GPR143: variants seen among roughly 807,000 people sequenced by gnomAD.
The protein encoded by GPR143 is G protein-coupled receptor 143.
In GPR143, 8 loss-of-function variants were observed where a neutral mutation model predicts 27.6. That is an observed-to-expected ratio of 0.29 (90% confidence interval 0.17 to 0.52). GPR143 has a LOEUF of 0.52. Ranked by LOEUF, GPR143 falls within the 20% of genes least tolerant of loss-of-function variation. The probability of loss-of-function intolerance (pLI) is 0.96; values close to 1 mark genes in which losing one functional copy is unlikely to be tolerated. For missense variants in GPR143, 303 were observed against 343.1 expected (o/e 0.88, Z 0.92); for synonymous variants, 156 against 153.2 (o/e 1.02, Z -0.13).
chrX:9,742,184 G>A (rs923207681), intron 6 of GPR143, among the ~76,000 whole-genome samples: 1 of 112,139 alleles, frequency 8.9e-6, no homozygotes, highest in Non-Finnish European at 1.9e-5. Context: ...AATATGAAAT[G>A]TTGAACTGAG....
In GPR143 at chrX:9,759,724, A is replaced by G. The variant is rs1390078899; in HGVS notation, c.361-298T>C. On this transcript the variant is annotated intron_variant, in intron 2 of 8. Coordinates refer to ENST00000467482, the MANE Select transcript of GPR143 (RefSeq NM_000273.3). Reference sequence around the variant, plus strand: ...TGCAGGCTCAAGGGGGCTTTGAACTAGATAGAAGCTCTTGTTCTGAGGAAG... The same window carrying G: ...TGCAGGCTCAAGGGGGCTTTGAACTGGATAGAAGCTCTTGTTCTGAGGAAG... Among the ~76,000 whole-genome samples the G allele has an allele frequency of 5.4e-5, 6 of 112,140 alleles. No individual in the cohort carries two copies. The Admixed American group carries it at 5.7e-4, about 11-fold the overall frequency.
chrX:9,760,724 C>G lies in GPR143; in HGVS notation c.353G>C (p.Gly118Ala). The G allele has an allele frequency of 1.7e-6, 2 of 1,156,552 alleles. No individual in the cohort carries two copies. Among genetic ancestry groups the G allele is most frequent in the Middle Eastern group, 2.4e-4 (1 of 4,136 alleles). Residue 118 changes from glycine (G) to alanine (A), a missense_variant, in exon 2 of 9, where the codon GGG becomes GCG. Transcript: ENST00000467482. ...CAGAGGGGGTGGACTCACCGCACTC[C>G]CCACGCAGAAAGCAGCAGGCCAAAT... is the stretch of plus-strand genomic sequence containing the variant. ...TEIWPAAFCV[G>A]SAMWIQLLYS...
chrX:9,737,495 T>G (rs1490133200), intron 8 of GPR143, among the ~76,000 whole-genome samples: 1 of 111,397 alleles, frequency 9.0e-6, no homozygotes, highest in Non-Finnish European at 1.9e-5. Flanking sequence ...GCCCTTTCCA[T>G]GTAAGGTCTG....
chrX:9,765,616 C>T lies in GPR143; in HGVS notation c.202G>A (p.Val68Ile). ...GSPATSPPAS[V>I]RILRAAAACD... ...GCAGCGGCAGCGCGCAGGATGCGGA[C>T]CGAGGCCGGCGGGGACGTCGCGGGG... Residue 68 changes from valine to isoleucine, a missense_variant, in exon 1 of 9, where the codon GTC becomes ATC. Physicochemically the swap from Val to Ile is conservative, Grantham distance 29. Coordinates refer to ENST00000467482, the MANE Select transcript of GPR143 (RefSeq NM_000273.3). The T allele has an allele frequency of 1.0e-6, 1 of 1,004,116 alleles. No individual in the cohort carries two copies. The highest frequency in any genetic ancestry group is 2.0e-5 in the African/African-American group (1 of 50,536). 82.8% of individuals were successfully genotyped at this position (1,004,116 alleles called of 1,213,427 possible).
chrX:9,766,533 G>A (rs1009228330), upstream of GPR143, among the ~76,000 whole-genome samples: 16 of 111,915 alleles, frequency 1.4e-4, no homozygotes, highest in African/African-American at 4.5e-4. Context: ...GGAGACCAGC[G>A]TGGGCAACAT....
At chrX:9,740,908 C>T (rs182835071) in intron 7 of GPR143, 27 of 293,966 alleles carry the variant, frequency 9.2e-5, no homozygotes, top group African/African-American at 5.9e-4. Flanking sequence ...CTGCCAGGAG[C>T]TTTGATACAC....
intron 7 of GPR143, chrX:9,740,753 CTTTT>C (rs374177494): frequency 1.2e-4 from 32 of 256,633 alleles, no homozygotes; most frequent in Non-Finnish European, 1.6e-4. Flanking sequence ...TTCTTTCTTT[CTTTT>C]TTTTTTTTTT....
rs57462205 is a variant in GPR143 at position 9,728,639 on chromosome X, T to TAAAAAAAAAAAA, written c.1121-2811_1121-2800dup. Among the ~76,000 whole-genome samples the TAAAAAAAAAAAA allele has an allele frequency of 5.7e-4, 11 of 19,220 alleles. 1 individual carries two copies. The highest frequency in any genetic ancestry group is 1.8e-3 in the African/African-American group (10 of 5,462). The allele number at this position is 19,220 out of a possible 115,157, so 16.7% of individuals were successfully genotyped here. On this transcript the variant is annotated intron_variant, in intron 8 of 8. Coordinates refer to ENST00000467482, the MANE Select transcript of GPR143 (RefSeq NM_000273.3). ...CCTGGGCAACATAGACCCTATCTCTTAAAAAAAAAAAAAAAAAAAAAAAAA... is the reference window on the plus strand; with the variant it reads ...CCTGGGCAACATAGACCCTATCTCTTAAAAAAAAAAAAAAAAAAAAAAAAAAAAAAAAAAAAA...
At chrX:9,772,166 G>A (rs1162765244) in intron 1 of GPR143, among the ~76,000 whole-genome samples, 1 of 112,050 alleles carries the variant, frequency 8.9e-6, no homozygotes, top group Non-Finnish European at 1.9e-5. Flanking sequence ...GAAGACAACA[G>A]ATAAGGACTG....
At chrX:9,754,773 C>T (rs2083466319) in intron 3 of GPR143, among the ~76,000 whole-genome samples, 2 of 111,822 alleles carry the variant, frequency 1.8e-5, no homozygotes, top group Non-Finnish European at 3.8e-5. Context: ...CCCTTTTCCC[C>T]CACATCCCCA....
chrX:9,749,378 A>G (rs1411036335), intron 3 of GPR143, among the ~76,000 whole-genome samples: 4 of 110,891 alleles, frequency 3.6e-5, no homozygotes, highest in South Asian at 7.9e-4. Context: ...TCCTTTATCA[A>G]TTAGTCTCAG....
chrX:9,744,117 A>G (rs143128610), intron 5 of GPR143, among the ~76,000 whole-genome samples: 1,123 of 111,638 alleles, frequency 0.01, 20 homozygotes, highest in African/African-American at 0.035. Context: ...TGGGTGGATC[A>G]TTTGAGGTCA....
intron 8 of GPR143, among the ~76,000 whole-genome samples, chrX:9,728,402 A>C (rs111783491): frequency 4.9e-5 from 5 of 102,549 alleles, no homozygotes; most frequent in Admixed American, 2.0e-4. Context: ...TAAGGAACAA[A>C]AAAAAAAAAA....
chrX:9,777,275 C>T (rs1490370911), intron 1 of GPR143, among the ~76,000 whole-genome samples: 1 of 112,200 alleles, frequency 8.9e-6, no homozygotes, highest in Middle Eastern at 4.2e-3. Flanking sequence ...GGCGTGGTGG[C>T]ACACACCTGT....
At chrX:9,766,136 C>G (rs754035508), upstream of GPR143, 5 of 161,275 alleles carry the variant, frequency 3.1e-5, no homozygotes, top group East Asian at 5.2e-4. Context: ...CCCCATTCAC[C>G]AAGCCTTCCT....
At chrX:9,752,778 G>A (rs949309890) in intron 3 of GPR143, among the ~76,000 whole-genome samples, 2 of 111,388 alleles carry the variant, frequency 1.8e-5, no homozygotes, top group African/African-American at 6.5e-5. Flanking sequence ...CCCAGGAGTT[G>A]AAGGTTGCAG....
At chrX:9,768,365 G>A (rs1282826848), upstream of GPR143, among the ~76,000 whole-genome samples, 1 of 111,259 alleles carries the variant, frequency 9.0e-6, no homozygotes, top group Non-Finnish European at 1.9e-5. Flanking sequence ...CATCTCTAGC[G>A]TCTTCCTCTA....
In GPR143 at chrX:9,741,393, T is replaced by C. The variant is rs1569118209; in HGVS notation, c.830A>G (p.Asn277Ser). 2.6e-6 allele frequency: 3 copies of C among 1,165,612 alleles called. No homozygotes were observed. Among genetic ancestry groups the C allele is most frequent in the Admixed American group, 2.2e-5 (1 of 45,945 alleles). ...TCTGACAGGTTTCAAAGAACCTCCA[T>C]TGATATCTGTTTGCATCTCAAGATA... ...LFYLEMQTDI[N>S]GGSLKPVRTA... is the part of the protein sequence containing the mutation. Residue 277 changes from asparagine to serine, a missense_variant, in exon 7 of 9, where the codon AAT (asparagine) becomes AGT (serine). By Grantham distance (46) the Asn-to-Ser change is conservative (BLOSUM62 1). Coordinates refer to ENST00000467482, the MANE Select transcript of GPR143 (RefSeq NM_000273.3).
In GPR143 at chrX:9,725,387, G is replaced by T. The variant is rs2083320553; in HGVS notation, c.*359C>A. On this transcript the variant is annotated 3_prime_UTR_variant, in exon 9 of 9. Transcript: ENST00000467482. ...TATTTTCTTTTGCTAGAAGTGTTAA[G>T]ACAGAATCCAAGTCAGGCTGAGAGC... is the stretch of plus-strand genomic sequence containing the variant. 5.2e-6 allele frequency: 1 copy of T among 191,626 alleles called. No individual in the cohort carries two copies. Among genetic ancestry groups the T allele is most frequent in the Admixed American group, 7.0e-5 (1 of 14,276 alleles). 15.8% of individuals were successfully genotyped at this position (191,626 alleles called of 1,213,427 possible).
Sources: allele counts gnomAD v4.1 joint callset (sites outside exome capture counted in the v4.1 genomes callset), GRCh38; gene constraint gnomAD v4.1.1; transcripts MANE v1.5; gene names NCBI Gene and HGNC (gene_info 2026-07-23, HGNC 2026-07-21).